The following SOX6 variants were observed in gnomAD, a reference collection of about 807,000 sequenced individuals.
The protein encoded by SOX6 is transcription factor SOX-6.
SOX6 carries 11 observed loss-of-function variants against 97.8 expected under a neutral mutation model. The observed-to-expected ratio is 0.11, with a 90% CI of 0.07 to 0.19. The LOEUF (loss-of-function observed/expected upper bound fraction) is 0.19. SOX6 is among the 10% of genes least tolerant of loss of function. The pLI, the probability that SOX6 is intolerant of heterozygous loss-of-function variation, is 1.00. For synonymous variants in SOX6, 360 were observed against 371.4 expected (o/e 0.97, Z 0.35); for missense variants, 810 against 1,039.5 (o/e 0.78, Z 3.04).
At chr11:16,161,159 T>C (rs777335665) in intron 6 of SOX6, among the ~76,000 whole-genome samples, 2 of 152,078 alleles carry the variant, frequency 1.3e-5, no homozygotes, top group Non-Finnish European at 2.9e-5. Flanking sequence ...AAACATGATG[T>C]CACTGGACAA....
intron 1 of SOX6, among the ~76,000 whole-genome samples, chr11:16,409,977 C>T (rs1042183263): frequency 3.3e-5 from 5 of 152,006 alleles, no homozygotes; most frequent in African/African-American, 9.7e-5. Flanking sequence ...TCAATAGAAG[C>T]GGAGAGCAGT....
At chr11:16,376,907 G>A (rs1194226331) in intron 1 of SOX6, among the ~76,000 whole-genome samples, 1 of 151,750 alleles carries the variant, frequency 6.6e-6, no homozygotes, top group African/African-American at 2.4e-5. Context: ...TGGGGTGACA[G>A]GGAATATATG....
Position 16,049,777 on chromosome 11 carries a change from G to C in SOX6, c.1413C>G (p.Ser471Arg), listed in dbSNP as rs142578005. 3.1e-6 allele frequency: 5 copies of C among 1,613,350 alleles called. No homozygotes were observed. The highest frequency in any genetic ancestry group is 1.3e-5 in the African/African-American group (1 of 74,760). Residue 471 changes from serine (S) to arginine (R), a missense_variant, in exon 11 of 16, where the codon AGC becomes AGG. This residue lies in a region of SOX6 where 244 missense variants were observed against 261.0 expected (regional missense o/e 0.93). Coordinates refer to ENST00000683767, the MANE Select transcript of SOX6 (RefSeq NM_001367873.1). ...TACCTAAAGAGGATCCTCTTCCCAG[G>C]CTTCCTCCAATGGGGCTAGGGATGC... ...KSSIPSPIGG[S>R]LGRGSSLDIL...
At chr11:16,371,634 G>A (rs906769070) in intron 1 of SOX6, among the ~76,000 whole-genome samples, 12 of 151,916 alleles carry the variant, frequency 7.9e-5, no homozygotes, top group Non-Finnish European at 1.6e-4. Context: ...ACTCCAAAGC[G>A]CCAAAGAATA....
At chr11:16,665,632 G>A (rs1451680263) in intron 3 of SOX6, among the ~76,000 whole-genome samples, 1 of 152,202 alleles carries the variant, frequency 6.6e-6, no homozygotes, top group African/African-American at 2.4e-5. Context: ...CTGAAGGGAA[G>A]GACACAAGCC....
chr11:16,385,632 T>C (rs73431679), intron 1 of SOX6, among the ~76,000 whole-genome samples: 5,150 of 152,182 alleles, frequency 0.034, 255 homozygotes, highest in African/African-American at 0.11. Context: ...CATTTTAAAT[T>C]GGATACACCC....
In SOX6 at chr11:16,067,211, T is replaced by A. The variant is rs185288121; in HGVS notation, c.1102-11310A>T. ...ACTGCTGGAAAGGCATGATTGTGTT[T>A]TGAAATGTGAAGACATGAGATTTGG... On this transcript the variant is annotated intron_variant, in intron 9 of 15. Transcript: ENST00000683767. 3.9e-3 allele frequency among the ~76,000 whole-genome samples: 599 copies of A among 152,260 alleles called. 2 individuals are homozygous for A. The highest frequency in any genetic ancestry group is 6.9e-3 in the Non-Finnish European group (466 of 68,004).
In SOX6 at chr11:15,967,330, A is replaced by G. The variant is rs1446021108; in HGVS notation, c.*5479T>C. 2.0e-5 allele frequency: 3 copies of G among 152,276 alleles called. No individual in the cohort carries two copies. Among genetic ancestry groups the G allele is most frequent in the African/African-American group, 7.2e-5 (3 of 41,470 alleles). The allele number at this position is 152,276 out of a possible 1,614,324, so 9.4% of individuals were successfully genotyped here. A position where few individuals can be genotyped will look rare whatever the true frequency, so the allele number is the denominator to read the frequency against. On this transcript the variant is annotated 3_prime_UTR_variant, in exon 16 of 16. Transcript: ENST00000683767. ...ACAACAGAGTTGCAGTTGTCCCAAC[A>G]GCCCTACACAAACTTTACACTTTGA...
chr11:16,588,595 C>T (rs574471318), intron 4 of SOX6, among the ~76,000 whole-genome samples: 2 of 152,310 alleles, frequency 1.3e-5, no homozygotes, highest in Admixed American at 1.3e-4. Flanking sequence ...TAATTCTCCA[C>T]TTGACCCCCC....
intron 3 of SOX6, among the ~76,000 whole-genome samples, chr11:16,245,768 T>C (rs1019890454): frequency 5.9e-5 from 9 of 151,592 alleles, no homozygotes; most frequent in African/African-American, 1.9e-4. Flanking sequence ...TTCTTATCAT[T>C]AGTGTTTTCA....
intron 3 of SOX6, among the ~76,000 whole-genome samples, chr11:16,700,578 C>T (rs1213293774): frequency 6.6e-6 from 1 of 152,116 alleles, no homozygotes. Context: ...TGGAGTTGGA[C>T]AATGGGAAGC....
chr11:16,158,406 A>T (rs1478755594), intron 6 of SOX6, among the ~76,000 whole-genome samples: 1 of 152,070 alleles, frequency 6.6e-6, no homozygotes, highest in African/African-American at 2.4e-5. Flanking sequence ...AAAATGCAAC[A>T]ACAACAATTA....
intron 2 of SOX6, among the ~76,000 whole-genome samples, chr11:16,725,894 T>A (rs1312137320): frequency 1.3e-5 from 2 of 152,240 alleles, no homozygotes; most frequent in African/African-American, 4.8e-5. Context: ...TCTTATTCTG[T>A]ACTAATTTTA....
chr11:16,509,591 C>T (rs1404281640), intron 4 of SOX6, among the ~76,000 whole-genome samples: 1 of 151,910 alleles, frequency 6.6e-6, no homozygotes, highest in Non-Finnish European at 1.5e-5. Flanking sequence ...CTAATAAATA[C>T]CAGAGTAAAC....
intron 1 of SOX6, among the ~76,000 whole-genome samples, chr11:16,387,982 A>G (rs1001948232): frequency 1.3e-5 from 2 of 152,160 alleles, no homozygotes; most frequent in Non-Finnish European, 2.9e-5. Context: ...TACAATGTCA[A>G]GTAGGATGAA....
At chr11:16,647,285 C>A (rs539844163) in intron 3 of SOX6, among the ~76,000 whole-genome samples, 2 of 152,178 alleles carry the variant, frequency 1.3e-5, no homozygotes, top group East Asian at 3.9e-4. Flanking sequence ...CTATGCCCCT[C>A]CCCCTTTCCC....
intron 1 of SOX6, among the ~76,000 whole-genome samples, chr11:16,405,376 C>T (rs558141598): frequency 6.6e-6 from 1 of 152,058 alleles, no homozygotes; most frequent in African/African-American, 2.4e-5. Flanking sequence ...CACTGCTGTG[C>T]ACAATAATAA....
chr11:16,297,536 G>C (rs991277445), intron 3 of SOX6, among the ~76,000 whole-genome samples: 11 of 152,124 alleles, frequency 7.2e-5, no homozygotes. Context: ...AGGTTTGATT[G>C]GCAGAAAGCA....
chr11:16,070,965 C>T (rs923221486), intron 9 of SOX6, among the ~76,000 whole-genome samples: 4 of 152,234 alleles, frequency 2.6e-5, no homozygotes, highest in Admixed American at 6.5e-5. Context: ...AGCACCAGCA[C>T]CATAGCTCCA....
Sources: allele counts gnomAD v4.1 joint callset (sites outside exome capture counted in the v4.1 genomes callset), GRCh38; gene constraint gnomAD v4.1.1; regional missense constraint gnomAD v4.1.1; transcripts MANE v1.5; gene names NCBI Gene and HGNC (gene_info 2026-07-23, HGNC 2026-07-21).